SPOCK1: variants seen among roughly 807,000 people sequenced by gnomAD.
The protein encoded by SPOCK1 is SPARC (osteonectin), cwcv and kazal like domains proteoglycan 1.
A neutral mutation model predicts 55.3 loss-of-function variants in SPOCK1; 23 were observed. The observed-to-expected ratio is 0.42, with a 90% CI of 0.30 to 0.59. The LOEUF (loss-of-function observed/expected upper bound fraction) is 0.59, where lower values mean the gene tolerates loss of function less well. SPOCK1 is among the 20% of genes least tolerant of loss of function. The probability of loss-of-function intolerance (pLI) is 0.22; values close to 1 mark genes in which losing one functional copy is unlikely to be tolerated. For missense variants in SPOCK1, 499 were observed against 552.5 expected (o/e 0.90, Z 0.97); for synonymous variants, 226 against 221.0 (o/e 1.02, Z -0.20).
intron 6 of SPOCK1, among the ~76,000 whole-genome samples, chr5:137,054,903 C>A (rs1752273275): frequency 6.6e-6 from 1 of 152,064 alleles, no homozygotes; most frequent in African/African-American, 2.4e-5. Flanking sequence ...AGGTCACAAT[C>A]TAATGAGTTT....
chr5:137,313,418 AGT>A (rs1281653570), intron 2 of SPOCK1: 29 of 985,358 alleles, frequency 2.9e-5, no homozygotes, highest in Non-Finnish European at 3.5e-5. Flanking sequence ...TGCTTCAGAA[AGT>A]GTCTTACCTG....
At chr5:137,180,127 T>A (rs1288005507) in intron 3 of SPOCK1, among the ~76,000 whole-genome samples, 1 of 152,270 alleles carries the variant, frequency 6.6e-6, no homozygotes, top group Admixed American at 6.5e-5. Context: ...GAGGCAAGCA[T>A]CCGGTTCTCC....
At chr5:137,318,974 T>G (rs1383112095) in intron 2 of SPOCK1, among the ~76,000 whole-genome samples, 5 of 152,184 alleles carry the variant, frequency 3.3e-5, no homozygotes, top group Non-Finnish European at 7.3e-5. Context: ...TGTCATTCTA[T>G]CCAGGGCATA....
chr5:137,468,339 A>G (rs1753664358), intron 2 of SPOCK1, among the ~76,000 whole-genome samples: 1 of 152,232 alleles, frequency 6.6e-6, no homozygotes. Context: ...AAACAGACAC[A>G]GACCAGTGGG....
intron 2 of SPOCK1, among the ~76,000 whole-genome samples, chr5:137,462,743 C>T (rs892801494): frequency 5.9e-5 from 9 of 152,080 alleles, no homozygotes; most frequent in African/African-American, 1.9e-4. Context: ...GATATAATGC[C>T]CTTAAAAGGT....
chr5:137,268,782 C>CAG (rs1376045109), intron 2 of SPOCK1, among the ~76,000 whole-genome samples: 2 of 152,198 alleles, frequency 1.3e-5, no homozygotes, highest in Admixed American at 6.5e-5. Context: ...TCTCCACATA[C>CAG]AGAGGATGGC....
chr5:137,206,422 A>G (rs1161120327), intron 3 of SPOCK1, among the ~76,000 whole-genome samples: 1 of 152,222 alleles, frequency 6.6e-6, no homozygotes, highest in Non-Finnish European at 1.5e-5. Context: ...AAAGAGAAAC[A>G]AGAGTCCTTA....
intron 3 of SPOCK1, among the ~76,000 whole-genome samples, chr5:137,259,518 T>C (rs1212204752): frequency 6.6e-6 from 1 of 152,042 alleles, no homozygotes; most frequent in Non-Finnish European, 1.5e-5. Flanking sequence ...AGGGATAGCA[T>C]TAGGAGAAAC....
chr5:136,984,744 C>T (rs543540434), intron 9 of SPOCK1, among the ~76,000 whole-genome samples: 2 of 152,304 alleles, frequency 1.3e-5, no homozygotes, highest in Non-Finnish European at 2.9e-5. Context: ...GCCCATCTGC[C>T]TCCTTCAACA....
intron 2 of SPOCK1, among the ~76,000 whole-genome samples, chr5:137,351,150 A>T (rs1194528612): frequency 6.6e-6 from 1 of 152,190 alleles, no homozygotes; most frequent in African/African-American, 2.4e-5. Context: ...CTGGACGAAG[A>T]AAAGAGCATC....
intron 6 of SPOCK1, among the ~76,000 whole-genome samples, chr5:137,056,171 A>C (rs755721068): frequency 7.9e-5 from 12 of 152,188 alleles, no homozygotes; most frequent in Non-Finnish European, 1.5e-4. Flanking sequence ...GCTGGAGCTG[A>C]AGACCCTGGT....
intron 2 of SPOCK1, among the ~76,000 whole-genome samples, chr5:137,418,504 G>A (rs1343010204): frequency 6.6e-6 from 1 of 152,096 alleles, no homozygotes; most frequent in East Asian, 1.9e-4. Context: ...ATTCTAACTG[G>A]TGTGAGATGG....
chr5:137,160,667 A>T (rs1642970231), intron 3 of SPOCK1, among the ~76,000 whole-genome samples: 1 of 102,304 alleles, frequency 9.8e-6, no homozygotes, highest in African/African-American at 4.8e-5. Flanking sequence ...TACAATATAT[A>T]ATATATAATA....
intron 5 of SPOCK1, among the ~76,000 whole-genome samples, chr5:137,098,316 C>T (rs1462097682): frequency 1.3e-5 from 2 of 152,180 alleles, no homozygotes; most frequent in Admixed American, 6.5e-5. Context: ...AGTACCTCAC[C>T]CTGGCTCTAC....
At chr5:137,396,232 G>T (rs995459842) in intron 2 of SPOCK1, among the ~76,000 whole-genome samples, 1 of 152,160 alleles carries the variant, frequency 6.6e-6, no homozygotes, top group Non-Finnish European at 1.5e-5. Flanking sequence ...AATTCCTTGA[G>T]TATTTCTTAA....
intron 2 of SPOCK1, among the ~76,000 whole-genome samples, 165 bp downstream of exon 2, chr5:137,498,208 C>G (rs1754339675): frequency 6.6e-6 from 1 of 151,940 alleles, no homozygotes; most frequent in African/African-American, 2.4e-5. Context: ...CAAGACCGCA[C>G]CCAGGAAGCT....
In SPOCK1 at chr5:137,062,765, C is replaced by T. The variant is rs553364656; in HGVS notation, c.589+4950G>A. 4.3e-3 allele frequency among the ~76,000 whole-genome samples: 658 copies of T among 152,122 alleles called. 1 individual carries two copies. Among genetic ancestry groups the T allele is most frequent in the Non-Finnish European group, 7.2e-3 (490 of 68,002 alleles). On this transcript the variant is annotated intron_variant, in intron 6 of 10. Transcript: ENST00000394945. ...AAAAATGCACAGAACCCCAGCCCAACGCAGAGATTTCAATTTCATCTCCCT... is the reference window on the plus strand; with the variant it reads ...AAAAATGCACAGAACCCCAGCCCAATGCAGAGATTTCAATTTCATCTCCCT...
At chr5:137,180,796 C>T (rs1345150670) in intron 3 of SPOCK1, among the ~76,000 whole-genome samples, 1 of 152,088 alleles carries the variant, frequency 6.6e-6, no homozygotes, top group East Asian at 1.9e-4. Context: ...AAATAGAAGC[C>T]CCCAGGGTTT....
chr5:137,236,528 C>G (rs1336754505), intron 3 of SPOCK1, among the ~76,000 whole-genome samples: 1 of 152,146 alleles, frequency 6.6e-6, no homozygotes, highest in Non-Finnish European at 1.5e-5. Context: ...CCTGTAGGCC[C>G]CACAAATGTT....
Sources: gnomAD v4.1 joint callset for allele counts (sites outside exome capture counted in the v4.1 genomes callset) on GRCh38, gnomAD v4.1.1 for gene constraint, MANE v1.5 for transcripts, NCBI Gene and HGNC (gene_info 2026-07-23, HGNC 2026-07-21) for gene names.